GSPT1: variants seen among roughly 807,000 people sequenced by gnomAD.
The protein encoded by GSPT1 is G1 to S phase transition 1.
In GSPT1, 20 loss-of-function variants were observed where a neutral mutation model predicts 72.5. The observed-to-expected ratio is 0.28, with a 90% confidence interval of 0.19 to 0.40. GSPT1 has a LOEUF of 0.40. Among genes scored for constraint, GSPT1 ranks in the 10% least tolerant of loss-of-function variants. The probability of loss-of-function intolerance (pLI) is 1.00; values close to 1 mark genes in which losing one functional copy is unlikely to be tolerated. For missense variants in GSPT1, 580 were observed against 811.9 expected (o/e 0.71, Z 3.47); for synonymous variants, 334 against 293.5 (o/e 1.14, Z -1.41).
chr16:11,911,854 A>ATTTTTTTTTTTTTTTTTTTTT lies in GSPT1; in HGVS notation c.352+3494_352+3514dup, dbSNP rs1158026034. 4.4e-5 allele frequency among the ~76,000 whole-genome samples: 2 copies of ATTTTTTTTTTTTTTTTTTTTT among 45,410 alleles called. 1 individual carries two copies. The highest frequency in any genetic ancestry group is 7.6e-5 in the Non-Finnish European group (2 of 26,442). The allele number at this position is 45,410 out of a possible 152,430, so 29.8% of individuals were successfully genotyped here. On this transcript the variant is annotated intron_variant, in intron 1 of 14. Transcript: ENST00000434724. ...GGCATGAGCCACTGCACCCAGCTGT[A>ATTTTTTTTTTTTTTTTTTTTT]TTTTTTTTTTTTTTTTTTTTTTTTT...
chr16:11,905,849 A>C (rs75319836), intron 1 of GSPT1, among the ~76,000 whole-genome samples: 2,884 of 152,140 alleles, frequency 0.019, 52 homozygotes, highest in Non-Finnish European at 0.031. Flanking sequence ...AAAAATAAGT[A>C]AGTAAATAAA....
upstream of GSPT1, among the ~76,000 whole-genome samples, chr16:11,916,276 T>C (rs943100167): frequency 6.6e-6 from 1 of 151,932 alleles, no homozygotes; most frequent in Non-Finnish European, 1.5e-5. Context: ...TGTCACCTGG[T>C]GGGGGGGCAG....
At chr16:11,886,330 C>A (rs1305176018) in intron 9 of GSPT1, 141 bp downstream of exon 9, 9 of 575,476 alleles carry the variant, frequency 1.6e-5, no homozygotes, top group African/African-American at 1.5e-4. Context: ...GCCAAGGTTA[C>A]ATTTAATATT....
chr16:11,887,487 G>T, intron 7 of GSPT1, 83 bp downstream of exon 7: 1 of 1,122,298 alleles, frequency 8.9e-7, no homozygotes, highest in Non-Finnish European at 1.3e-6. Context: ...CTGAATTTGA[G>T]CTTTTAGAAG....
intron 9 of GSPT1, among the ~76,000 whole-genome samples, chr16:11,885,804 A>T (rs1313982778): frequency 6.6e-6 from 1 of 151,998 alleles, no homozygotes; most frequent in African/African-American, 2.4e-5. Flanking sequence ...AGGTGGGAGG[A>T]TCTCTTGAGC....
intron 1 of GSPT1, among the ~76,000 whole-genome samples, chr16:11,912,314 C>T (rs2150894573): frequency 6.8e-6 from 1 of 146,022 alleles, no homozygotes; most frequent in South Asian, 2.1e-4. Flanking sequence ...TGCCATTGCA[C>T]TCCAGCCTGG....
In GSPT1 at chr16:11,877,658, C is replaced by A. The variant is rs945775133; in HGVS notation, c.1429-78G>T. 5 of 844,286 alleles carry A rather than the reference C, an allele frequency of 5.9e-6. No individual in the cohort carries two copies. The highest frequency in any genetic ancestry group is 2.1e-5 in the South Asian group (1 of 47,374). The allele number at this position is 844,286 out of a possible 1,614,324, so 52.3% of individuals were successfully genotyped here. A position where few individuals can be genotyped will look rare whatever the true frequency, so the allele number is the denominator to read the frequency against. On this transcript the variant is annotated intron_variant, in intron 11 of 14. Coordinates refer to ENST00000434724, the MANE Select transcript of GSPT1 (RefSeq NM_002094.4). This position sits in a 1 kb window ranked among gnomAD's most constrained non-coding sequence, Gnocchi z 4.0. ...AACATAAAATGATCTGAATGTCTGT[C>A]TGCTCAATAAAGAGTTGCAAGATTT...
intron 1 of GSPT1, 70 bp from the exon 2 acceptor site, chr16:11,898,105 C>T: frequency 2.1e-6 from 2 of 955,334 alleles, no homozygotes; most frequent in Non-Finnish European, 3.3e-6. Flanking sequence ...TTTTAATATG[C>T]AGTAAAAACA....
At chr16:11,894,096 C>G (rs2054303644) in intron 5 of GSPT1, among the ~76,000 whole-genome samples, 1 of 129,208 alleles carries the variant, frequency 7.7e-6, no homozygotes, top group South Asian at 2.5e-4. Context: ...GTCGAGGCTG[C>G]AGTGAGCCAA....
chr16:11,900,756 C>G (rs1045627160), intron 1 of GSPT1, among the ~76,000 whole-genome samples: 1 of 152,188 alleles, frequency 6.6e-6, no homozygotes, highest in African/African-American at 2.4e-5. Context: ...AAGTGTATCA[C>G]TAACTGTAAC....
At chr16:11,874,061 CTAT>C (rs2141270650) in intron 14 of GSPT1, among the ~76,000 whole-genome samples, 1 of 152,260 alleles carries the variant, frequency 6.6e-6, no homozygotes, top group South Asian at 2.1e-4. Flanking sequence ...ATTTATAATT[CTAT>C]TTATGGAGTG....
chr16:11,912,550 G>C (rs187963318), intron 1 of GSPT1, among the ~76,000 whole-genome samples: 12 of 152,254 alleles, frequency 7.9e-5, no homozygotes, highest in Non-Finnish European at 1.5e-4. Flanking sequence ...ATGGCAGTGA[G>C]TTCTGAGAAG....
At position 11,915,934 on chromosome 16, in the gene GSPT1, C is replaced by G; in HGVS notation, c.-214G>C. 1 of 755,040 alleles carries G rather than the reference C, an allele frequency of 1.3e-6. No individual in the cohort carries two copies. The allele number at this position is 755,040 out of a possible 1,614,324, so 46.8% of individuals were successfully genotyped here. A position where few individuals can be genotyped will look rare whatever the true frequency, so the allele number is the denominator to read the frequency against. ...AGAGGCGGCGGCGGCGGCAGCTCAA[C>G]CCTCCTCCTCGTGTGTGTGAGCGGA... On this transcript the variant is annotated 5_prime_UTR_variant, in exon 1 of 15. Coordinates refer to ENST00000434724, the MANE Select transcript of GSPT1 (RefSeq NM_002094.4).
At chr16:11,912,930 T>C (rs1252711366) in intron 1 of GSPT1, among the ~76,000 whole-genome samples, 2 of 152,214 alleles carry the variant, frequency 1.3e-5, no homozygotes, top group Non-Finnish European at 1.5e-5. Flanking sequence ...CCAAGGTCAA[T>C]ACTGAATCCC....
chr16:11,906,316 G>A (rs1393216505), intron 1 of GSPT1, among the ~76,000 whole-genome samples: 1 of 152,136 alleles, frequency 6.6e-6, no homozygotes, highest in East Asian at 1.9e-4. Context: ...TTCTAAGAAG[G>A]GGTTAGGGAA....
intron 4 of GSPT1, 119 bp from the exon 5 acceptor site, chr16:11,895,106 A>T (rs2054317408): frequency 1.5e-6 from 1 of 687,640 alleles, no homozygotes; most frequent in South Asian, 1.6e-5. Context: ...TTGGGGCATA[A>T]ATCCTAGTTC....
At chr16:11,875,378 C>G (rs145073555) in intron 14 of GSPT1, among the ~76,000 whole-genome samples, 1 of 151,648 alleles carries the variant, frequency 6.6e-6, no homozygotes, top group Non-Finnish European at 1.5e-5. Flanking sequence ...TGGATGCACA[C>G]AAAAGGTCAC....
At chr16:11,910,883 C>T (rs1384729648) in intron 1 of GSPT1, among the ~76,000 whole-genome samples, 1 of 152,234 alleles carries the variant, frequency 6.6e-6, no homozygotes, top group Non-Finnish European at 1.5e-5. Context: ...CTCAACTTGG[C>T]ACAGCACAGC....
intron 1 of GSPT1, among the ~76,000 whole-genome samples, chr16:11,912,347 C>CAAAAAAAAAAAAAACAAAA: frequency 9.0e-6 from 1 of 110,768 alleles, no homozygotes; most frequent in Non-Finnish European, 1.9e-5. Context: ...GACTCCGTCT[C>CAAAAAAAAAAAAAACAAAA]AAAAAAAAAA....
Sources: gnomAD v4.1 joint callset for allele counts (sites outside exome capture counted in the v4.1 genomes callset) on GRCh38, gnomAD v4.1.1 for gene constraint, Gnocchi (gnomAD v3.1) non-coding constraint, MANE v1.5 for transcripts, NCBI Gene and HGNC (gene_info 2026-07-23, HGNC 2026-07-21) for gene names.